The following CEP126 variants were observed in gnomAD, a reference collection of about 807,000 sequenced individuals.
CEP126 encodes centrosomal protein of 126 kDa.
Under a neutral mutation model 107.8 loss-of-function variants are expected in CEP126, and 74 were observed. That is an observed-to-expected ratio of 0.69 (90% confidence interval 0.57 to 0.83). The LOEUF (loss-of-function observed/expected upper bound fraction) is 0.83, where lower values mean the gene tolerates loss of function less well. Among genes scored for constraint, CEP126 ranks in the 40% least tolerant of loss-of-function variants. CEP126 has a pLI of 0.00. For synonymous variants in CEP126, 449 were observed against 446.0 expected (o/e 1.01, Z -0.08); for missense variants, 1,237 against 1,281.9 (o/e 0.96, Z 0.53).
intron 3 of CEP126, 69 bp from the exon 4 acceptor site, chr11:101,947,962 A>T: frequency 1.6e-6 from 1 of 637,072 alleles, no homozygotes; most frequent in Non-Finnish European, 2.6e-6. Context: ...TTAACCAATT[A>T]AATTATATGT....
At chr11:101,961,647 G>A in intron 5 of CEP126, 94 bp from the exon 6 acceptor site, 1 of 646,368 alleles carries the variant, frequency 1.5e-6, no homozygotes, top group Non-Finnish European at 2.6e-6. Context: ...CTATATGCAA[G>A]GAGAATTGGG....
intron 2 of CEP126, 139 bp from the exon 3 acceptor site, chr11:101,944,126 T>C: frequency 1.3e-6 from 1 of 781,782 alleles, no homozygotes; most frequent in South Asian, 2.4e-5. Flanking sequence ...AAACACCTGT[T>C]TTAAAAAATT....
chr11:101,918,005 C>G (rs1246845878), intron 1 of CEP126, among the ~76,000 whole-genome samples: 1 of 152,192 alleles, frequency 6.6e-6, no homozygotes, highest in African/African-American at 2.4e-5. Context: ...TTCCATCACA[C>G]TCGATAGACT....
chr11:101,932,294 A>G (rs959135464), intron 2 of CEP126, among the ~76,000 whole-genome samples: 2 of 152,148 alleles, frequency 1.3e-5, no homozygotes, highest in African/African-American at 4.8e-5. Context: ...CAGGAGTAGA[A>G]ATGTCTGCTT....
intron 2 of CEP126, among the ~76,000 whole-genome samples, chr11:101,940,658 C>T (rs1311067042): frequency 2.6e-5 from 4 of 152,220 alleles, no homozygotes; most frequent in African/African-American, 4.8e-5. Context: ...TCTTCAGTCA[C>T]ATGTCTTGTG....
At position 101,961,210 on chromosome 11, in the gene CEP126, C is replaced by A. The variant is rs1402467231; in HGVS notation, c.706-531C>A. ...CCAGGTATAGATATTTTACACAGTT[C>A]TTTATGTGATTTTAACATGTAGCCA... is the stretch of plus-strand genomic sequence containing the variant. On this transcript the variant is annotated intron_variant, in intron 5 of 10. Transcript: ENST00000263468. Among the ~76,000 whole-genome samples, 4 of 152,100 alleles carry A rather than the reference C, an allele frequency of 2.6e-5. No individual in the cohort carries two copies. In the East Asian group the frequency reaches 7.7e-4, roughly 29 times the overall value.
In CEP126 at chr11:101,962,603, A is replaced by G; in HGVS notation, c.1568A>G (p.Gln523Arg). The G allele has an allele frequency of 6.2e-7, 1 of 1,613,754 alleles. No individual in the cohort carries two copies. The highest frequency in any genetic ancestry group is 1.3e-5 in the African/African-American group (1 of 75,038). Residue 523 changes from glutamine to arginine, a missense_variant, in exon 6 of 11, where the codon CAA becomes CGA. Coordinates refer to ENST00000263468, the MANE Select transcript of CEP126 (RefSeq NM_020802.4). ...TTGCCTTTATTTTCAGACAGTTTTC[A>G]AGATGCCTATATACCTCACAATCCT... ...EELPLFSDSF[Q>R]DAYIPHNPDS...
chr11:101,972,313 C>T (rs1941140592), intron 6 of CEP126, among the ~76,000 whole-genome samples: 3 of 151,826 alleles, frequency 2.0e-5, no homozygotes, highest in African/African-American at 7.3e-5. Flanking sequence ...GTAGTCCCAG[C>T]TACTCGAGAG....
chr11:101,978,340 G>A lies in CEP126; in HGVS notation c.2846-7G>A. 1 of 1,592,162 alleles carries A rather than the reference G, an allele frequency of 6.3e-7. No homozygotes were observed. The highest frequency in any genetic ancestry group is 1.7e-4 in the Middle Eastern group (1 of 6,014). On this transcript the variant is annotated splice_polypyrimidine_tract_variant and splice_region_variant and intron_variant, in intron 6 of 10. Transcript: ENST00000263468. ...AATTTTTAACATTGTGCTGGCATTT[G>A]TTTAAGGGTCTACTGTTATGAGAAG...
At chr11:101,987,420 A>G (rs1176162338) in intron 9 of CEP126, among the ~76,000 whole-genome samples, 1 of 152,186 alleles carries the variant, frequency 6.6e-6, no homozygotes, top group African/African-American at 2.4e-5. Context: ...ACCAATAACT[A>G]AATGTAGATA....
Position 101,944,341 on chromosome 11 carries a change from C to T in CEP126, c.325C>T (p.Gln109Ter). 6.2e-7 allele frequency: 1 copy of T among 1,611,490 alleles called. No homozygotes were observed. Among genetic ancestry groups the T allele is most frequent in the South Asian group, 1.1e-5 (1 of 90,462 alleles). ...IREQILQQRK[Q>*]KFEEVTEKFQ... ...AGAACAAATACTTCAACAAAGAAAA[C>T]AGAAGTTTGAAGAAGTTACTGAAAA... Residue 109 changes from glutamine (Q) to a stop codon, truncating the protein, a stop_gained, in exon 3 of 11, where the codon CAG (glutamine) becomes TAG (stop). Coordinates refer to ENST00000263468, the MANE Select transcript of CEP126 (RefSeq NM_020802.4). LOFTEE classifies it high-confidence loss of function.
intron 2 of CEP126, among the ~76,000 whole-genome samples, chr11:101,927,633 T>C (rs924000457): frequency 6.6e-6 from 1 of 152,138 alleles, no homozygotes; most frequent in East Asian, 1.9e-4. Flanking sequence ...ATTTCCAGAG[T>C]GTTGTATAAA....
At position 101,917,650 on chromosome 11, in the gene CEP126, C is replaced by CT. The variant is rs1405362337; in HGVS notation, c.128+2245dup. Among the ~76,000 whole-genome samples, 3 of 151,060 alleles carry CT rather than the reference C, an allele frequency of 2.0e-5. 1 individual carries two copies. The East Asian group carries it at 5.9e-4, about 30-fold the overall frequency. On this transcript the variant is annotated intron_variant, in intron 1 of 10. Coordinates refer to ENST00000263468, the MANE Select transcript of CEP126 (RefSeq NM_020802.4). The stretch of plus-strand genomic sequence containing the variant: ...GTCTCTCATGTCCCCTTATACCTGC[C>CT]TTTTTTTCCTCATAAATATCTCTAC...
intron 2 of CEP126, among the ~76,000 whole-genome samples, 170 bp downstream of exon 2, chr11:101,922,930 G>A (rs1940352818): frequency 6.6e-6 from 1 of 152,142 alleles, no homozygotes; most frequent in Non-Finnish European, 1.5e-5. Context: ...CCTTCCCAAA[G>A]CACAAGGGTG....
chr11:101,948,895 A>C (rs748004913), intron 4 of CEP126, among the ~76,000 whole-genome samples: 1 of 152,138 alleles, frequency 6.6e-6, no homozygotes, highest in Non-Finnish European at 1.5e-5. Flanking sequence ...TCAGACAATA[A>C]ATTATGTTAA....
At chr11:101,932,611 C>G (rs1940517410) in intron 2 of CEP126, among the ~76,000 whole-genome samples, 1 of 152,106 alleles carries the variant, frequency 6.6e-6, no homozygotes, top group Non-Finnish European at 1.5e-5. Flanking sequence ...TTTTCCCTCT[C>G]AATTCAGGAC....
At chr11:101,917,126 TTAGA>T in intron 1 of CEP126, among the ~76,000 whole-genome samples, 1 of 151,516 alleles carries the variant, frequency 6.6e-6, no homozygotes, top group East Asian at 1.9e-4. Context: ...ATATATATGT[TTAGA>T]TAATATATAT....
chr11:101,977,390 T>C (rs1243197810), intron 6 of CEP126, among the ~76,000 whole-genome samples: 1 of 151,936 alleles, frequency 6.6e-6, no homozygotes, highest in Non-Finnish European at 1.5e-5. Context: ...CCCAGCACTT[T>C]GGGAGGACGA....
In CEP126 at chr11:101,963,371, T is replaced by C. The variant is rs1294716300; in HGVS notation, c.2336T>C (p.Ile779Thr). ...FICTNRKGAV[I>T]QPQSASKVNI... ...TGTACAAACAGAAAAGGCGCTGTCA[T>C]TCAACCACAGTCTGCAAGCAAAGTC... The change falls in exon 6 of 11, where the codon ATT (isoleucine) becomes ACT (threonine). Residue 779 changes from isoleucine (I) to threonine (T), a missense_variant. Around this residue, in one of 3 missense-constraint regions of CEP126, gnomAD observed 1,134 missense variants for 1,150.5 expected, o/e 0.99. Transcript: ENST00000263468. 8.7e-6 allele frequency: 14 copies of C among 1,614,016 alleles called. No individual in the cohort carries two copies. The Admixed American group carries it at 2.0e-4, about 23-fold the overall frequency.
Sources: gnomAD v4.1 joint callset for allele counts (sites outside exome capture counted in the v4.1 genomes callset) on GRCh38, gnomAD v4.1.1 for gene constraint, gnomAD v4.1.1 regional missense constraint, MANE v1.5 for transcripts, NCBI Gene and HGNC (gene_info 2026-07-23, HGNC 2026-07-21) for gene names.